Variants in KIF26B observed in about 807,000 individuals in gnomAD.
The protein encoded by KIF26B is kinesin family member 26B.
KIF26B carries 63 observed loss-of-function variants against 151.2 expected under a neutral mutation model. The ratio of observed to expected loss-of-function variants is 0.42; its 90% CI spans 0.34 to 0.51. KIF26B has a LOEUF of 0.51. Among genes scored for constraint, KIF26B ranks in the 20% least tolerant of loss-of-function variants. The pLI is 0.07. For missense variants in KIF26B, 2,813 were observed against 2,913.6 expected (o/e 0.97, Z 0.79); for synonymous variants, 1,357 against 1,262.1 (o/e 1.08, Z -1.59).
rs996270846 is a variant in KIF26B at position 245,419,800 on chromosome 1, C to T, written c.1166+55C>T. Reference sequence around the variant, plus strand: ...TTCCGATGAGCCCAGCTGGTTAGCCCCTCACGTGGACTAGCTCAGCTGAAA... The same window carrying T: ...TTCCGATGAGCCCAGCTGGTTAGCCTCTCACGTGGACTAGCTCAGCTGAAA... On this transcript the variant is annotated intron_variant, in intron 4 of 14. Coordinates refer to ENST00000407071, the MANE Select transcript of KIF26B (RefSeq NM_018012.4). The T allele has an allele frequency of 8.2e-5, 122 of 1,493,534 alleles. No homozygotes were observed. The South Asian group carries it at 1.1e-3, about 14-fold the overall frequency. The allele number at this position is 1,493,534 out of a possible 1,614,324, so 92.5% of individuals were successfully genotyped here.
intron 2 of KIF26B, among the ~76,000 whole-genome samples, chr1:245,225,050 A>G (rs1669847011): frequency 6.6e-6 from 1 of 152,222 alleles, no homozygotes; most frequent in Non-Finnish European, 1.5e-5. Context: ...AAGGTAGTTT[A>G]CACCATTTTA....
At chr1:245,286,375 C>T (rs1671164456) in intron 2 of KIF26B, among the ~76,000 whole-genome samples, 1 of 151,790 alleles carries the variant, frequency 6.6e-6, no homozygotes, top group Non-Finnish European at 1.5e-5. Context: ...AACCCCATCT[C>T]CACTAAAAAT....
At chr1:245,369,168 T>TGA (rs112848389) in intron 3 of KIF26B, among the ~76,000 whole-genome samples, 3,269 of 135,804 alleles carry the variant, frequency 0.024, 37 homozygotes, top group South Asian at 0.062. Context: ...AAAAGAAGAG[T>TGA]GAGAGAGAGA....
At position 245,450,996 on chromosome 1, in the gene KIF26B, C is replaced by A. The variant is rs146668922; in HGVS notation, c.1166+31251C>A. ...TGTCTTCCTATGGAAATGAATTCCT[C>A]GTGCCCACGGCCATTACATTTCCTA... On this transcript the variant is annotated intron_variant, in intron 4 of 14. Transcript: ENST00000407071. Among the ~76,000 whole-genome samples, 357 of 152,152 alleles carry A rather than the reference C, an allele frequency of 2.3e-3. 4 individuals carry two copies. The highest frequency in any genetic ancestry group is 0.01 in the Middle Eastern group (3 of 294).
At chr1:245,614,546 G>T (rs1338822792) in intron 9 of KIF26B, among the ~76,000 whole-genome samples, 1 of 152,226 alleles carries the variant, frequency 6.6e-6, no homozygotes, top group African/African-American at 2.4e-5. Flanking sequence ...AATATCCACA[G>T]CTGGGGCTGG....
At chr1:245,681,998 T>C (rs1405108554) in intron 10 of KIF26B, among the ~76,000 whole-genome samples, 3 of 152,196 alleles carry the variant, frequency 2.0e-5, no homozygotes, top group Non-Finnish European at 4.4e-5. Flanking sequence ...ATCCCAGCAC[T>C]TTGGGAGGCC....
chr1:245,427,179 A>C (rs1022878287), intron 4 of KIF26B, among the ~76,000 whole-genome samples: 2 of 152,172 alleles, frequency 1.3e-5, no homozygotes, highest in Non-Finnish European at 2.9e-5. Context: ...GGAAAAATTG[A>C]GCTGGGTGTC....
chr1:245,233,709 A>C (rs1042682446), intron 2 of KIF26B, among the ~76,000 whole-genome samples: 1 of 152,154 alleles, frequency 6.6e-6, no homozygotes, highest in Non-Finnish European at 1.5e-5. Context: ...TCTCTGTCAT[A>C]ATTTTCTTAT....
intron 2 of KIF26B, among the ~76,000 whole-genome samples, chr1:245,278,056 T>C (rs1670970138): frequency 6.6e-6 from 1 of 152,010 alleles, no homozygotes; most frequent in Non-Finnish European, 1.5e-5. Flanking sequence ...TGAGTAAAAG[T>C]GGGCAGGCAG....
intron 2 of KIF26B, among the ~76,000 whole-genome samples, chr1:245,364,017 C>G (rs556501185): frequency 3.3e-5 from 5 of 152,194 alleles, no homozygotes; most frequent in African/African-American, 1.2e-4. Flanking sequence ...TGAGTCACTA[C>G]AGACTGGGCT....
chr1:245,626,402 GT>G (rs34420692), intron 9 of KIF26B, among the ~76,000 whole-genome samples: 5 of 148,740 alleles, frequency 3.4e-5, no homozygotes, highest in East Asian at 3.9e-4. Flanking sequence ...TTCATGGTGG[GT>G]TTTTTTTTTC....
intron 9 of KIF26B, among the ~76,000 whole-genome samples, chr1:245,619,684 C>T (rs1023754984): frequency 3.3e-5 from 5 of 150,980 alleles, no homozygotes; most frequent in Non-Finnish European, 7.4e-5. Context: ...AGGCTGAGGC[C>T]GGAGGATCAC....
intron 3 of KIF26B, among the ~76,000 whole-genome samples, chr1:245,384,989 T>G (rs1469656097): frequency 6.6e-6 from 1 of 152,212 alleles, no homozygotes; most frequent in Non-Finnish European, 1.5e-5. Context: ...CATCACCTCT[T>G]GATCACTCTA....
intron 2 of KIF26B, among the ~76,000 whole-genome samples, chr1:245,273,340 C>A (rs1034236134): frequency 9.2e-5 from 14 of 151,804 alleles, no homozygotes. Flanking sequence ...ATCGCTTGAA[C>A]CCAGGCAGCA....
chr1:245,383,934 G>C (rs1343108536), intron 3 of KIF26B, among the ~76,000 whole-genome samples: 2 of 152,186 alleles, frequency 1.3e-5, no homozygotes, highest in Non-Finnish European at 2.9e-5. Context: ...TGCGGAACGT[G>C]TATCAGCTGT....
intron 10 of KIF26B, among the ~76,000 whole-genome samples, chr1:245,663,099 A>G (rs1466964804): frequency 2.0e-5 from 3 of 151,142 alleles, no homozygotes; most frequent in African/African-American, 7.3e-5. Flanking sequence ...CAAAGTCTGG[A>G]CTTTTCCTTG....
At chr1:245,576,694 T>G (rs1372160055) in intron 5 of KIF26B, among the ~76,000 whole-genome samples, 3 of 152,200 alleles carry the variant, frequency 2.0e-5, no homozygotes, top group Non-Finnish European at 4.4e-5. Context: ...GAAAGGGGGT[T>G]CTTTATTGCA....
At chr1:245,463,290 C>A (rs959677078) in intron 4 of KIF26B, among the ~76,000 whole-genome samples, 2 of 152,192 alleles carry the variant, frequency 1.3e-5, no homozygotes, top group Admixed American at 6.5e-5. Flanking sequence ...AGACAAGGGA[C>A]CTGTGGCTCA....
At chr1:245,348,045 T>A (rs969311293) in intron 2 of KIF26B, among the ~76,000 whole-genome samples, 11 of 152,262 alleles carry the variant, frequency 7.2e-5, no homozygotes, top group African/African-American at 2.7e-4. Flanking sequence ...GTCCTCATTT[T>A]ACTTGATCTA....
Sources: allele counts gnomAD v4.1 joint callset (sites outside exome capture counted in the v4.1 genomes callset), GRCh38; gene constraint gnomAD v4.1.1; transcripts MANE v1.5; gene names NCBI Gene and HGNC (gene_info 2026-07-23, HGNC 2026-07-21).